GRID2: variants seen among roughly 807,000 people sequenced by gnomAD.
GRID2 encodes the protein glutamate receptor ionotropic, delta-2.
Under a neutral mutation model 114.8 loss-of-function variants are expected in GRID2, and 33 were observed. The observed-to-expected ratio is 0.29, with a 90% confidence interval of 0.22 to 0.38. The LOEUF is 0.38. GRID2 is among the 10% of genes least tolerant of loss of function. The pLI is 1.00. For synonymous variants in GRID2, 505 were observed against 449.9 expected, an observed-to-expected ratio of 1.12 and a Z score of -1.55; for missense variants, 1,184 against 1,257.7, an observed-to-expected ratio of 0.94 and a Z score of 0.89.
At chr4:92,960,972 C>T (rs1752757300) in intron 2 of GRID2, among the ~76,000 whole-genome samples, 1 of 151,768 alleles carries the variant, frequency 6.6e-6, no homozygotes, top group Admixed American at 6.6e-5. Context: ...TATAAATTTA[C>T]AACTAATCCA....
At position 93,604,073 on chromosome 4, in the gene GRID2, T is replaced by TA. The variant is rs544255223; in HGVS notation, c.2194-22194dup. 2.4e-4 allele frequency among the ~76,000 whole-genome samples: 36 copies of TA among 152,346 alleles called. No individual in the cohort carries two copies. In the South Asian group the frequency reaches 5.8e-3, roughly 25 times the overall value. On this transcript the variant is annotated intron_variant, in intron 13 of 15. Transcript: ENST00000282020. Reference sequence around the variant, plus strand: ...CTTATTATTTGAGAAATATATTTTATAAGGCCATAGCTGCCATGTAAGTGA... The same window carrying TA: ...CTTATTATTTGAGAAATATATTTTATAAAGGCCATAGCTGCCATGTAAGTGA...
intron 2 of GRID2, among the ~76,000 whole-genome samples, chr4:92,695,575 T>C (rs542970643): frequency 6.6e-6 from 1 of 152,100 alleles, no homozygotes; most frequent in African/African-American, 2.4e-5. Flanking sequence ...TAGTGTGTGA[T>C]AATGTGAAAA....
chr4:92,769,756 A>C (rs554607315), intron 2 of GRID2, among the ~76,000 whole-genome samples: 4 of 152,238 alleles, frequency 2.6e-5, no homozygotes, highest in African/African-American at 9.6e-5. Context: ...TCACAGCTGG[A>C]GTGACTGGGA....
At chr4:92,872,144 C>T (rs964576821) in intron 2 of GRID2, among the ~76,000 whole-genome samples, 8 of 152,038 alleles carry the variant, frequency 5.3e-5, no homozygotes, top group African/African-American at 1.9e-4. Flanking sequence ...AGAGAAATTA[C>T]AGCTTGTTTC....
At chr4:92,308,310 T>G (rs1356839917) in intron 1 of GRID2, among the ~76,000 whole-genome samples, 1 of 152,198 alleles carries the variant, frequency 6.6e-6, no homozygotes, top group Non-Finnish European at 1.5e-5. Context: ...CAGAACTGAT[T>G]GTAAATTAGC....
rs1730614514 is a variant in GRID2 at position 92,628,179 on chromosome 4, A to G, written c.244+37893A>G. Among the ~76,000 whole-genome samples, 7 of 152,306 alleles carry G rather than the reference A, an allele frequency of 4.6e-5. No individual in the cohort carries two copies. The South Asian group carries it at 1.5e-3, about 32-fold the overall frequency. On this transcript the variant is annotated intron_variant, in intron 2 of 15. Coordinates refer to ENST00000282020, the MANE Select transcript of GRID2 (RefSeq NM_001510.4). ...CCACATTTCTAAGGATACAACAATC[A>G]GCTCTCATTAGCCAGCAGGAGAAGG...
At chr4:92,626,125 C>T (rs1339362254) in intron 2 of GRID2, among the ~76,000 whole-genome samples, 1 of 151,884 alleles carries the variant, frequency 6.6e-6, no homozygotes, top group Non-Finnish European at 1.5e-5. Context: ...CTCAATCACT[C>T]ATTTAAGTCC....
intron 8 of GRID2, among the ~76,000 whole-genome samples, chr4:93,350,346 T>C (rs1404883165): frequency 1.3e-5 from 2 of 152,094 alleles, no homozygotes; most frequent in African/African-American, 4.8e-5. Context: ...TCCTAGAAGA[T>C]ACCATTGCAC....
intron 2 of GRID2, among the ~76,000 whole-genome samples, chr4:92,858,355 G>A (rs145934479): frequency 6.6e-5 from 10 of 152,236 alleles, no homozygotes; most frequent in African/African-American, 2.2e-4. Context: ...TGATTCATGG[G>A]GGAGGTCAAA....
At chr4:92,636,718 C>A (rs763596496) in intron 2 of GRID2, among the ~76,000 whole-genome samples, 2 of 151,684 alleles carry the variant, frequency 1.3e-5, no homozygotes, top group Non-Finnish European at 2.9e-5. Flanking sequence ...TGTGTGAGCT[C>A]GGGTCCCAGC....
At chr4:93,496,199 A>G (rs577295680) in intron 12 of GRID2, among the ~76,000 whole-genome samples, 4 of 151,492 alleles carry the variant, frequency 2.6e-5, no homozygotes, top group Admixed American at 6.6e-5. Context: ...TTAATAATCC[A>G]TAAACTGTCA....
intron 6 of GRID2, among the ~76,000 whole-genome samples, chr4:93,218,529 C>A (rs1441603237): frequency 6.6e-6 from 1 of 151,994 alleles, no homozygotes; most frequent in African/African-American, 2.4e-5. Flanking sequence ...TAGATATGTC[C>A]CTTCAAGAAC....
At chr4:93,552,632 G>T (rs1417560702) in intron 13 of GRID2, among the ~76,000 whole-genome samples, 2 of 152,122 alleles carry the variant, frequency 1.3e-5, no homozygotes, top group Non-Finnish European at 2.9e-5. Context: ...GATGGCCAGT[G>T]ATGATGAGCA....
At chr4:92,804,000 G>A (rs1171506940) in intron 2 of GRID2, among the ~76,000 whole-genome samples, 1 of 151,728 alleles carries the variant, frequency 6.6e-6, no homozygotes, top group Non-Finnish European at 1.5e-5. Flanking sequence ...TTCAGTCTGG[G>A]CTTCACAGAG....
intron 2 of GRID2, among the ~76,000 whole-genome samples, chr4:93,061,606 A>C (rs1727815333): frequency 6.6e-6 from 1 of 152,178 alleles, no homozygotes; most frequent in South Asian, 2.1e-4. Context: ...CTGAATTATC[A>C]AAGCAGACTA....
At chr4:93,188,771 A>G (rs1325784643) in intron 4 of GRID2, among the ~76,000 whole-genome samples, 1 of 152,112 alleles carries the variant, frequency 6.6e-6, no homozygotes, top group Non-Finnish European at 1.5e-5. Context: ...CAGTACTTCC[A>G]CCAAATATCC....
intron 14 of GRID2, among the ~76,000 whole-genome samples, chr4:93,638,365 A>T: frequency 2.0e-5 from 1 of 49,442 alleles, no homozygotes. Context: ...TGTGCAGGTT[A>T]GTTACATATG....
intron 1 of GRID2, among the ~76,000 whole-genome samples, chr4:92,490,479 C>T (rs867833043): frequency 3.3e-5 from 5 of 152,198 alleles, no homozygotes; most frequent in African/African-American, 1.2e-4. Flanking sequence ...TGGACAAATG[C>T]TTTATTGAAG....
At chr4:93,047,075 A>G (rs1187785991) in intron 2 of GRID2, among the ~76,000 whole-genome samples, 2 of 152,002 alleles carry the variant, frequency 1.3e-5, no homozygotes, top group South Asian at 2.1e-4. Context: ...CTAATAACCC[A>G]TAACTCCAGT....
Sources: gnomAD v4.1 joint callset for allele counts (sites outside exome capture counted in the v4.1 genomes callset) on GRCh38, gnomAD v4.1.1 for gene constraint, MANE v1.5 for transcripts, NCBI Gene and HGNC (gene_info 2026-07-23, HGNC 2026-07-21) for gene names.